UNC13B: variants seen among roughly 807,000 people sequenced by gnomAD.
The protein encoded by UNC13B is protein unc-13 homolog B.
In UNC13B, 144 loss-of-function variants were observed where a neutral mutation model predicts 211.0. That is an observed-to-expected ratio of 0.68 (90% CI 0.60 to 0.78). UNC13B has a LOEUF of 0.78. UNC13B is among the 30% of genes least tolerant of loss of function. The probability of loss-of-function intolerance (pLI) is 0.00; values close to 1 mark genes in which losing one functional copy is unlikely to be tolerated. For synonymous variants in UNC13B, 709 were observed against 725.8 expected, an observed-to-expected ratio of 0.98 and a Z score of 0.37; for missense variants, 1,777 against 2,002.0, an observed-to-expected ratio of 0.89 and a Z score of 2.14.
At position 35,377,540 on chromosome 9, in the gene UNC13B, G is replaced by T. The variant is rs200053468; in HGVS notation, c.9908G>T (p.Arg3303Leu). The T allele has an allele frequency of 2.3e-5, 37 of 1,614,220 alleles. No individual in the cohort carries two copies. The South Asian group carries it at 3.4e-4, about 15-fold the overall frequency. The change falls in exon 16 of 40, where the codon CGC (arginine) becomes CTC (leucine). Residue 3303 changes from arginine to leucine, a missense_variant. Arg to Leu is a moderately radical substitution (Grantham distance 102). Transcript: ENST00000635942. ...TQNIIMAMKD[R>L]MKIRERNKPE... ...AACATTATCATGGCCATGAAGGACC[G>T]CATGAAGATCCGAGAGCGAAATAAG... is the stretch of plus-strand genomic sequence containing the variant.
At chr9:35,344,003 T>C (rs1832189399) in intron 11 of UNC13B, among the ~76,000 whole-genome samples, 1 of 152,240 alleles carries the variant, frequency 6.6e-6, no homozygotes, top group South Asian at 2.1e-4. Context: ...ATGTGGCGAT[T>C]AGAAATTTTA....
At position 35,201,499 on chromosome 9, in the gene UNC13B, G is replaced by T. The variant is rs1416988292; in HGVS notation, c.23-26516G>T. Among the ~76,000 whole-genome samples the T allele has an allele frequency of 2.6e-5, 4 of 152,280 alleles. No homozygotes were observed. The East Asian group carries it at 7.7e-4, about 29-fold the overall frequency. On this transcript the variant is annotated intron_variant, in intron 1 of 39. Coordinates refer to ENST00000635942, the MANE Select transcript of UNC13B (RefSeq NM_001371189.2). ...TTTGGTTGGTAGGCTATTAATTAGT[G>T]CCTCAATTTCAGAGCCTGTTATTGG... is the stretch of plus-strand genomic sequence containing the variant.
intron 1 of UNC13B, among the ~76,000 whole-genome samples, chr9:35,164,744 C>T (rs1280691435): frequency 6.6e-6 from 1 of 152,194 alleles, no homozygotes; most frequent in Non-Finnish European, 1.5e-5. Context: ...TATTTTCTGC[C>T]TATCTAAAAT....
At chr9:35,185,166 A>G (rs926254053) in intron 1 of UNC13B, among the ~76,000 whole-genome samples, 1 of 152,230 alleles carries the variant, frequency 6.6e-6, no homozygotes, top group Non-Finnish European at 1.5e-5. Context: ...TTTAACAAAA[A>G]GGGCTCAGAT....
At chr9:35,186,612 G>T (rs367738157) in intron 1 of UNC13B, among the ~76,000 whole-genome samples, 91 of 152,200 alleles carry the variant, frequency 6.0e-4, no homozygotes, top group African/African-American at 2.1e-3. Context: ...AGAGAGAGGG[G>T]ACTTCCAAGA....
chr9:35,365,385 AT>A (rs1172093059), intron 11 of UNC13B, among the ~76,000 whole-genome samples: 2 of 152,166 alleles, frequency 1.3e-5, no homozygotes, highest in Admixed American at 1.3e-4. Flanking sequence ...ACATGTTGTT[AT>A]CCCTTCTGAG....
chr9:35,295,675 T>C (rs1489831174), intron 7 of UNC13B, 21 bp from the exon 8 acceptor site: 6 of 1,608,638 alleles, frequency 3.7e-6, no homozygotes, highest in Non-Finnish European at 5.1e-6. Context: ...GGTGCTTTGA[T>C]TGAATGTGCT....
chr9:35,225,116 A>G (rs1824760823), intron 1 of UNC13B, among the ~76,000 whole-genome samples: 1 of 152,182 alleles, frequency 6.6e-6, no homozygotes, highest in African/African-American at 2.4e-5. Flanking sequence ...CCTTTCCTCT[A>G]AGAACTGGAA....
At chr9:35,342,682 A>G (rs954771953) in intron 11 of UNC13B, among the ~76,000 whole-genome samples, 1 of 152,198 alleles carries the variant, frequency 6.6e-6, no homozygotes, top group Non-Finnish European at 1.5e-5. Context: ...TTATGAATAA[A>G]TGACCTGTCC....
At chr9:35,239,035 T>C (rs1242670996) in intron 5 of UNC13B, among the ~76,000 whole-genome samples, 1 of 152,154 alleles carries the variant, frequency 6.6e-6, no homozygotes, top group Non-Finnish European at 1.5e-5. Context: ...ATCATTACTT[T>C]TTATGGAATC....
At chr9:35,257,336 T>A (rs868175079) in intron 6 of UNC13B, among the ~76,000 whole-genome samples, 21 of 131,506 alleles carry the variant, frequency 1.6e-4, no homozygotes, top group Non-Finnish European at 2.4e-4. Context: ...AATATTTATA[T>A]AAATATTTAT....
chr9:35,234,420 C>G (rs145733232), intron 3 of UNC13B, among the ~76,000 whole-genome samples: 1 of 152,288 alleles, frequency 6.6e-6, no homozygotes, highest in African/African-American at 2.4e-5. Flanking sequence ...GCACCTGGCC[C>G]AAGCAATTTT....
In UNC13B at chr9:35,306,897, C is replaced by T. The variant is rs941946707; in HGVS notation, c.7493C>T (p.Ala2498Val). Residue 2498 changes from alanine (A) to valine (V), a missense_variant, in exon 9 of 40, where the codon GCT (alanine) becomes GTT (valine). Transcript: ENST00000635942. ...AAGAAAAACTCCTTTTTCTCTCTTGCTTCTGATGTATCATCTCAGCCCCTC... is the reference window on the plus strand; with the variant it reads ...AAGAAAAACTCCTTTTTCTCTCTTGTTTCTGATGTATCATCTCAGCCCCTC... ...SPKKNSFFSL[A>V]SDVSSQPLKG... 3.0e-5 allele frequency: 12 copies of T among 398,906 alleles called. 1 individual carries two copies. The highest frequency in any genetic ancestry group is 2.2e-4 in the Admixed American group (5 of 22,714). 24.7% of individuals were successfully genotyped at this position (398,906 alleles called of 1,614,324 possible).
intron 28 of UNC13B, 106 bp from the exon 29 acceptor site, chr9:35,397,061 G>A (rs1359980505): frequency 1.3e-6 from 2 of 1,599,196 alleles, no homozygotes; most frequent in Non-Finnish European, 1.7e-6. Context: ...CAGGAGGGCT[G>A]TTGAGGGCCA....
intron 10 of UNC13B, among the ~76,000 whole-genome samples, chr9:35,311,769 A>C (rs1378410150): frequency 6.6e-6 from 1 of 152,214 alleles, no homozygotes; most frequent in Non-Finnish European, 1.5e-5. Flanking sequence ...TCTAGAAGTC[A>C]GATTTAACCC....
chr9:35,353,937 C>T (rs918747906), intron 11 of UNC13B: 66 of 504,914 alleles, frequency 1.3e-4, no homozygotes, highest in African/African-American at 1.2e-3. Flanking sequence ...TTGAATCAGG[C>T]TAAATTACTC....
intron 7 of UNC13B, among the ~76,000 whole-genome samples, chr9:35,289,650 G>A (rs1054658151): frequency 2.0e-5 from 3 of 152,048 alleles, no homozygotes; most frequent in Admixed American, 1.3e-4. Context: ...CTAGTAAATC[G>A]CAGAGCCAGA....
rs201435193 is a variant in UNC13B, at chr9:35,397,738, C to G, written c.11754+26C>G. 815 of 1,611,482 alleles carry G rather than the reference C, an allele frequency of 5.1e-4. 2 individuals carry two copies. The highest frequency in any genetic ancestry group is 6.4e-4 in the Non-Finnish European group (757 of 1,178,088). On this transcript the variant is annotated intron_variant, in intron 30 of 39. Transcript: ENST00000635942. ...GTAGGTTCAGGCCCTGGGACTCTTA[C>G]AGAAAGAGAGTGGAAGACATTTGAA...
At chr9:35,222,906 G>T (rs568084612) in intron 1 of UNC13B, among the ~76,000 whole-genome samples, 3 of 152,204 alleles carry the variant, frequency 2.0e-5, no homozygotes, top group African/African-American at 7.2e-5. Flanking sequence ...GCCTCCAGGA[G>T]ATCTCCTTTA....
Sources: gnomAD v4.1 joint callset for allele counts (sites outside exome capture counted in the v4.1 genomes callset) on GRCh38, gnomAD v4.1.1 for gene constraint, MANE v1.5 for transcripts, NCBI Gene and HGNC (gene_info 2026-07-23, HGNC 2026-07-21) for gene names.